MRAP2: variants seen among roughly 807,000 people sequenced by gnomAD.
The protein encoded by MRAP2 is melanocortin-2 receptor accessory protein 2.
In MRAP2, 20 loss-of-function variants were observed where a neutral mutation model predicts 17.4. The observed-to-expected ratio is 1.15, with a 90% CI of 0.81 to 1.67. The LOEUF is 1.67. Among genes scored for constraint, MRAP2 ranks in the 40% most tolerant of loss-of-function variants. The pLI is 0.00. For missense variants in MRAP2, 238 were observed against 240.0 expected, an observed-to-expected ratio of 0.99 and a Z score of 0.05; for synonymous variants, 96 against 88.4, an observed-to-expected ratio of 1.09 and a Z score of -0.48.
rs565706593 is a variant in MRAP2 at position 84,081,162 on chromosome 6, C to T, written c.228-7929C>T. ...AGGTTTTTTAAAGTTACCAGCAAAACGTATTGATTGTGAAATTTCAAGTGC... is the reference window on the plus strand; with the variant it reads ...AGGTTTTTTAAAGTTACCAGCAAAATGTATTGATTGTGAAATTTCAAGTGC... On this transcript the variant is annotated intron_variant, in intron 3 of 3. Transcript: ENST00000257776. Among the ~76,000 whole-genome samples the T allele has an allele frequency of 9.2e-5, 14 of 152,116 alleles. No individual in the cohort carries two copies. In the East Asian group the frequency reaches 2.5e-3, roughly 27 times the overall value.
intron 3 of MRAP2, among the ~76,000 whole-genome samples, chr6:84,087,988 G>GT (rs1046317897): frequency 2.4e-4 from 37 of 151,830 alleles, no homozygotes; most frequent in Admixed American, 3.3e-4. Context: ...CCAGACCTGT[G>GT]TTTTTTTTGT....
the MRAP2 span, among the ~76,000 whole-genome samples, chr6:84,145,469 T>C: frequency 1.4e-4 from 22 of 152,272 alleles, no homozygotes; most frequent in Non-Finnish European, 3.1e-4. Context: ...ATTGTGATTA[T>C]CTCTGATAGA....
At chr6:84,081,238 T>C (rs2099498899) in intron 3 of MRAP2, among the ~76,000 whole-genome samples, 1 of 152,214 alleles carries the variant, frequency 6.6e-6, no homozygotes, top group South Asian at 2.1e-4. Flanking sequence ...GGTCAAAGTC[T>C]CATTATGATA....
At chr6:84,070,152 C>CT (rs1228052553) in intron 3 of MRAP2, among the ~76,000 whole-genome samples, 1 of 151,792 alleles carries the variant, frequency 6.6e-6, no homozygotes, top group Non-Finnish European at 1.5e-5. Flanking sequence ...TTGGTTTGTT[C>CT]TTTTTTCTCT....
At chr6:84,079,283 A>G (rs1459455866) in intron 3 of MRAP2, among the ~76,000 whole-genome samples, 3 of 152,224 alleles carry the variant, frequency 2.0e-5, no homozygotes, top group Admixed American at 6.5e-5. Flanking sequence ...ATTGAGCAAA[A>G]GAACCCAAGC....
the MRAP2 span, among the ~76,000 whole-genome samples, chr6:84,121,917 TAGA>T: frequency 1.6e-4 from 25 of 151,776 alleles, no homozygotes; most frequent in African/African-American, 3.9e-4. Flanking sequence ...AGTTCAAATC[TAGA>T]AGAAGATAAG....
chr6:84,052,260 C>G (rs1176970869), intron 1 of MRAP2, among the ~76,000 whole-genome samples: 1 of 152,072 alleles, frequency 6.6e-6, no homozygotes, highest in Non-Finnish European at 1.5e-5. Flanking sequence ...CTGTTGTGTT[C>G]AAGAGAGAGC....
At chr6:84,081,329 T>G (rs151191011) in intron 3 of MRAP2, among the ~76,000 whole-genome samples, 4 of 152,332 alleles carry the variant, frequency 2.6e-5, no homozygotes, top group Non-Finnish European at 5.9e-5. Flanking sequence ...GCAGTTTGAA[T>G]GTGACTGTTT....
At chr6:84,124,974 T>G in the MRAP2 span, 1 of 922,212 alleles carries the variant, frequency 1.1e-6, no homozygotes, top group Non-Finnish European at 1.7e-6. Flanking sequence ...TGGAAACATA[T>G]TGGAACACTT....
At chr6:84,035,606 G>A (rs917781844) in intron 1 of MRAP2, 2 of 170,780 alleles carry the variant, frequency 1.2e-5, no homozygotes, top group Non-Finnish European at 2.3e-5. Flanking sequence ...TGTGAAGCGC[G>A]CGCTGGTGAT....
the MRAP2 span, among the ~76,000 whole-genome samples, chr6:84,097,382 A>G: frequency 3.3e-5 from 5 of 152,130 alleles, 1 homozygote; most frequent in African/African-American, 1.2e-4. Flanking sequence ...TGTCACCTGG[A>G]AACTTCACTT....
intron 3 of MRAP2, among the ~76,000 whole-genome samples, chr6:84,076,462 G>A (rs556997275): frequency 6.6e-6 from 1 of 152,174 alleles, no homozygotes; most frequent in African/African-American, 2.4e-5. Flanking sequence ...ACCCTCAGGT[G>A]ATCCACCTAC....
chr6:84,035,516 C>A, intron 1 of MRAP2: 2 of 621,538 alleles, frequency 3.2e-6, no homozygotes, highest in Non-Finnish European at 4.0e-6. Context: ...TTGCAAATAG[C>A]AGTTTTTAAA....
chr6:84,127,047 A>G, the MRAP2 span, among the ~76,000 whole-genome samples: 1 of 152,170 alleles, frequency 6.6e-6, no homozygotes, highest in Non-Finnish European at 1.5e-5. Flanking sequence ...TGAAGTACTG[A>G]GCCCTTTCTG....
At chr6:84,095,066 T>A (rs190550346), downstream of MRAP2, among the ~76,000 whole-genome samples, 13 of 152,320 alleles carry the variant, frequency 8.5e-5, no homozygotes, top group East Asian at 1.9e-3. Context: ...TTAATATAGT[T>A]CCTCTTGCCT....
At chr6:84,136,998 C>T in the MRAP2 span, among the ~76,000 whole-genome samples, 1,531 of 152,290 alleles carry the variant, frequency 0.01, 20 homozygotes, top group African/African-American at 0.035. Context: ...ACTCTTGTAA[C>T]TGAGCATGTT....
chr6:84,052,242 G>A (rs1304189513), intron 1 of MRAP2, among the ~76,000 whole-genome samples: 1 of 152,102 alleles, frequency 6.6e-6, no homozygotes, highest in Non-Finnish European at 1.5e-5. Context: ...TGGAGCTGCC[G>A]CTTCCTGCTG....
At chr6:84,119,128 T>C in the MRAP2 span, among the ~76,000 whole-genome samples, 4 of 152,230 alleles carry the variant, frequency 2.6e-5, no homozygotes, top group Non-Finnish European at 5.9e-5. Flanking sequence ...GCCTTGAGCT[T>C]TGCTCTTTTT....
At chr6:84,141,096 T>A in the MRAP2 span, among the ~76,000 whole-genome samples, 28 of 151,244 alleles carry the variant, frequency 1.9e-4, no homozygotes, top group African/African-American at 6.4e-4. Context: ...GATCAGGCAG[T>A]AATGCTCACT....
Sources: gnomAD v4.1 joint callset for allele counts (sites outside exome capture counted in the v4.1 genomes callset) on GRCh38, gnomAD v4.1.1 for gene constraint, MANE v1.5 for transcripts, NCBI Gene and HGNC (gene_info 2026-07-23, HGNC 2026-07-21) for gene names.